The following CNTNAP4 variants were observed in gnomAD, a reference collection of about 807,000 sequenced individuals.
CNTNAP4 encodes contactin associated protein family member 4.
Under a neutral mutation model 148.4 loss-of-function variants are expected in CNTNAP4, and 98 were observed. The ratio of observed to expected loss-of-function variants is 0.66; its 90% CI spans 0.56 to 0.78. CNTNAP4 has a LOEUF of 0.78. CNTNAP4 is among the 30% of genes least tolerant of loss of function. CNTNAP4 has a pLI of 0.00. For missense variants in CNTNAP4, 1,935 were observed against 1,565.6 expected (o/e 1.24, Z -3.98); for synonymous variants, 730 against 565.1 (o/e 1.29, Z -4.14).
At position 76,316,487 on chromosome 16, in the gene CNTNAP4, C is replaced by T. The variant is rs187297057; in HGVS notation, c.160C>T (p.His54Tyr). ...CAGTTCTTCCGAGCTCTCCAGCAGTCATGGTCCTGGATTTGCAAGGCTGAA... is the reference window on the plus strand; with the variant it reads ...CAGTTCTTCCGAGCTCTCCAGCAGTTATGGTCCTGGATTTGCAAGGCTGAA... Reference protein sequence around the residue: ...FSSSSELSSSHGPGFARLNRR... With the variant: ...FSSSSELSSSYGPGFARLNRR... The change falls in exon 2 of 24, where the codon CAT becomes TAT. Residue 54 changes from histidine (H) to tyrosine (Y), a missense_variant. Physicochemically the swap from His to Tyr is moderately conservative, Grantham distance 83 (BLOSUM62 2). Transcript: ENST00000611870. 31 of 1,613,800 alleles carry T rather than the reference C, an allele frequency of 1.9e-5. No homozygotes were observed. The East Asian group carries it at 4.0e-4, about 21-fold the overall frequency.
chr16:76,478,581 T>C (rs2081681939), intron 11 of CNTNAP4, among the ~76,000 whole-genome samples: 1 of 152,210 alleles, frequency 6.6e-6, no homozygotes, highest in African/African-American at 2.4e-5. Context: ...ATTTCTCATT[T>C]CACAGAATAA....
intron 3 of CNTNAP4, among the ~76,000 whole-genome samples, chr16:76,406,322 ACTC>A (rs1212962859): frequency 6.6e-6 from 1 of 151,236 alleles, no homozygotes; most frequent in Non-Finnish European, 1.5e-5. Flanking sequence ...GTGTGTTCTG[ACTC>A]CTCCACCAAC....
chr16:76,427,527 C>G lies in CNTNAP4; in HGVS notation c.466C>G (p.Arg156Gly). The change falls in exon 4 of 24, where the codon CGC (arginine) becomes GGC (glycine). Residue 156 changes from arginine to glycine, a missense_variant. By Grantham distance (125) the Arg-to-Gly change is moderately radical. Coordinates refer to ENST00000611870, the MANE Select transcript of CNTNAP4 (RefSeq NM_033401.5). ...GCCTTCTATCAAAGCCAGATTTCTGCGCTTCATCCCTTTGGAATGGAACCC... is the reference window on the plus strand; with the variant it reads ...GCCTTCTATCAAAGCCAGATTTCTGGGCTTCATCCCTTTGGAATGGAACCC... ...LQPSIKARFL[R>G]FIPLEWNPKG... The G allele has an allele frequency of 6.2e-7, 1 of 1,612,910 alleles. No individual in the cohort carries two copies. The highest frequency in any genetic ancestry group is 8.5e-7 in the Non-Finnish European group (1 of 1,179,272).
At chr16:76,497,649 A>T (rs967875671) in intron 14 of CNTNAP4, among the ~76,000 whole-genome samples, 4 of 150,512 alleles carry the variant, frequency 2.7e-5, no homozygotes, top group Admixed American at 2.6e-4. Flanking sequence ...GAACAATGAG[A>T]ACATAAGGAC....
rs150986533 is a variant in CNTNAP4, at chr16:76,550,533, G to A, written c.3443-2750G>A. ...GTCTGGTGGGGTGGGGCTGAAAAGG[G>A]AAGATTTTTTAAAGGCCTATGGAAA... On this transcript the variant is annotated intron_variant, in intron 21 of 23. Coordinates refer to ENST00000611870, the MANE Select transcript of CNTNAP4 (RefSeq NM_033401.5). Among the ~76,000 whole-genome samples, 377 of 152,198 alleles carry A rather than the reference G, an allele frequency of 2.5e-3. 1 individual carries two copies. Among genetic ancestry groups the A allele is most frequent in the African/African-American group, 8.6e-3 (358 of 41,550 alleles).
intron 1 of CNTNAP4, chr16:76,287,799 T>G (rs1567584645): frequency 6.6e-6 from 1 of 152,232 alleles, no homozygotes; most frequent in Non-Finnish European, 1.5e-5. Flanking sequence ...ACACATATTA[T>G]TGTAGTTTTA....
chr16:76,555,029 A>G (rs1014595581), intron 23 of CNTNAP4, among the ~76,000 whole-genome samples: 5 of 151,988 alleles, frequency 3.3e-5, no homozygotes, highest in Admixed American at 3.3e-4. Flanking sequence ...TCTCCCTGGC[A>G]GGGCAACAGG....
chr16:76,288,873 C>A (rs571891794), intron 1 of CNTNAP4, among the ~76,000 whole-genome samples: 12 of 152,082 alleles, frequency 7.9e-5, no homozygotes, highest in Non-Finnish European at 1.5e-5. Flanking sequence ...GTGATTTAAA[C>A]GTCCTTTTTA....
intron 3 of CNTNAP4, among the ~76,000 whole-genome samples, chr16:76,410,126 C>T (rs1292996970): frequency 6.6e-6 from 1 of 151,540 alleles, no homozygotes; most frequent in Non-Finnish European, 1.5e-5. Context: ...CCAGGTCATA[C>T]TAAGGTCTCC....
chr16:76,504,898 C>T (rs554505203), intron 15 of CNTNAP4, among the ~76,000 whole-genome samples: 57 of 152,184 alleles, frequency 3.7e-4, no homozygotes, highest in African/African-American at 1.4e-3. Flanking sequence ...ACTCGTACCA[C>T]AATGTGATAC....
chr16:76,516,985 A>C (rs2083277034), intron 15 of CNTNAP4, among the ~76,000 whole-genome samples: 2 of 152,150 alleles, frequency 1.3e-5, no homozygotes, highest in Non-Finnish European at 2.9e-5. Flanking sequence ...AATCGCTTCA[A>C]CCCGGGAGGT....
intron 2 of CNTNAP4, among the ~76,000 whole-genome samples, chr16:76,349,994 C>T (rs978964101): frequency 6.6e-6 from 1 of 151,830 alleles, no homozygotes; most frequent in Non-Finnish European, 1.5e-5. Flanking sequence ...TTCACTTTTT[C>T]CTTTTACTTC....
intron 3 of CNTNAP4, among the ~76,000 whole-genome samples, chr16:76,407,936 C>T (rs61372470): frequency 1.3e-5 from 2 of 152,142 alleles, no homozygotes; most frequent in South Asian, 2.1e-4. Context: ...TAAAAATTCA[C>T]TCCACAGTCA....
chr16:76,289,634 A>C (rs1274870492), intron 1 of CNTNAP4, among the ~76,000 whole-genome samples: 1 of 150,982 alleles, frequency 6.6e-6, no homozygotes, highest in African/African-American at 2.4e-5. Context: ...TTGCAGTGGC[A>C]CAATCTCGGC....
chr16:76,488,187 T>C (rs1000758504), intron 12 of CNTNAP4, among the ~76,000 whole-genome samples: 3 of 152,134 alleles, frequency 2.0e-5, no homozygotes, highest in African/African-American at 4.8e-5. Context: ...TTTCCAAATT[T>C]GGAAATGGAG....
At position 76,462,096 on chromosome 16, in the gene CNTNAP4, T is replaced by C. The variant is rs576559084; in HGVS notation, c.1474T>C (p.Tyr492His). 1 of 1,613,230 alleles carries C rather than the reference T, an allele frequency of 6.2e-7. No individual in the cohort carries two copies. The highest frequency in any genetic ancestry group is 2.2e-5 in the East Asian group (1 of 44,860). Reference sequence around the variant, plus strand: ...GCAGATTTATTCGGGTGGCACCTATTATTTTGGAGGTAAGAATAGGTGCCA... The same window carrying C: ...GCAGATTTATTCGGGTGGCACCTATCATTTTGGAGGTAAGAATAGGTGCCA... ...PEQIYSGGTY[Y>H]FGGCPDKSFG... Residue 492 changes from tyrosine (Y) to histidine (H), a missense_variant, in exon 9 of 24, where the codon TAT becomes CAT. Coordinates refer to ENST00000611870, the MANE Select transcript of CNTNAP4 (RefSeq NM_033401.5).
Position 76,286,236 on chromosome 16 carries a change from G to T in CNTNAP4, c.85+8489G>T, listed in dbSNP as rs368715112. Among the ~76,000 whole-genome samples the T allele has an allele frequency of 1.1e-3, 158 of 145,780 alleles. 3 individuals are homozygous for T. In the South Asian group the frequency reaches 0.034, roughly 31 times the overall value. On this transcript the variant is annotated intron_variant, in intron 1 of 23. Coordinates refer to ENST00000611870, the MANE Select transcript of CNTNAP4 (RefSeq NM_033401.5). ...GTGTGTGTGAAGATAACTGTGGGTG[G>T]GAATTGGAAAACAGACCATTTTGGT...
intron 12 of CNTNAP4, among the ~76,000 whole-genome samples, chr16:76,487,448 G>T (rs907653167): frequency 6.6e-6 from 1 of 152,324 alleles, no homozygotes. Flanking sequence ...GTGATGAAGT[G>T]CATGTCTTTT....
At position 76,355,416 on chromosome 16, in the gene CNTNAP4, G is replaced by T; in HGVS notation, c.295G>T (p.Gly99Ter). The T allele has an allele frequency of 6.2e-7, 1 of 1,612,462 alleles. No homozygotes were observed. Among genetic ancestry groups the T allele is most frequent in the Non-Finnish European group, 8.5e-7 (1 of 1,179,128 alleles). Residue 99 changes from glycine to a stop codon, truncating the protein, a stop_gained, in exon 3 of 24, where the codon GGA becomes TGA. Coordinates refer to ENST00000611870, the MANE Select transcript of CNTNAP4 (RefSeq NM_033401.5). LOFTEE classifies it high-confidence loss of function. ...GGTCACCGCTGTGGCCACTCAAGGGGGATATGGTAGCTCCAACTGGGTGAC... is the reference window on the plus strand; with the variant it reads ...GGTCACCGCTGTGGCCACTCAAGGGTGATATGGTAGCTCCAACTGGGTGAC... Reference protein sequence around the residue: ...MEVTAVATQGGYGSSNWVTSY... With the variant: ...MEVTAVATQG
Sources: allele counts gnomAD v4.1 joint callset (sites outside exome capture counted in the v4.1 genomes callset), GRCh38; gene constraint gnomAD v4.1.1; transcripts MANE v1.5; gene names NCBI Gene and HGNC (gene_info 2026-07-23, HGNC 2026-07-21).